Variants in SERGEF observed in about 807,000 individuals in gnomAD.
The protein encoded by SERGEF is secretion-regulating guanine nucleotide exchange factor.
SERGEF carries 51 observed loss-of-function variants against 50.0 expected under a neutral mutation model. That is an observed-to-expected ratio of 1.02 (90% CI 0.81 to 1.29). The LOEUF is 1.29. Ranked by LOEUF, SERGEF falls within the 50% of genes most tolerant of loss-of-function variation. The probability of loss-of-function intolerance (pLI) is 0.00; values close to 1 mark genes in which losing one functional copy is unlikely to be tolerated. For synonymous variants in SERGEF, 205 were observed against 212.4 expected (o/e 0.97, Z 0.30); for missense variants, 521 against 557.0 (o/e 0.94, Z 0.65).
At chr11:17,918,817 C>A in intron 9 of SERGEF, 1 of 394,930 alleles carries the variant, frequency 2.5e-6, no homozygotes, top group Non-Finnish European at 5.0e-6. Flanking sequence ...GCAAAAAGCA[C>A]TCCTGGCAAA....
chr11:18,001,918 T>C, intron 4 of SERGEF: 1 of 450,448 alleles, frequency 2.2e-6, no homozygotes, highest in Non-Finnish European at 4.4e-6. Context: ...TTTAGGACCC[T>C]CAAGGGCAGG....
chr11:17,876,037 T>C (rs2133896289), intron 10 of SERGEF, among the ~76,000 whole-genome samples: 1 of 152,326 alleles, frequency 6.6e-6, no homozygotes, highest in African/African-American at 2.4e-5. Flanking sequence ...TCCCTCTTGC[T>C]AGCCTCCTGC....
chr11:17,898,865 G>A (rs1158558312), intron 9 of SERGEF, among the ~76,000 whole-genome samples: 1 of 152,114 alleles, frequency 6.6e-6, no homozygotes, highest in Non-Finnish European at 1.5e-5. Context: ...CCCCAGTGTT[G>A]GAGGTGGGGC....
chr11:17,955,838 G>A (rs1266668180), intron 9 of SERGEF, among the ~76,000 whole-genome samples: 1 of 152,198 alleles, frequency 6.6e-6, no homozygotes, highest in Non-Finnish European at 1.5e-5. Context: ...AAGAAGCCTA[G>A]AACTTATAGG....
At chr11:17,863,425 C>G (rs1850963393) in intron 10 of SERGEF, 1 of 152,248 alleles carries the variant, frequency 6.6e-6, no homozygotes, top group Middle Eastern at 3.2e-3. Flanking sequence ...TGGCTGACCA[C>G]TTGTCCCTCA....
At chr11:18,000,946 G>A in intron 4 of SERGEF, 1 of 361,894 alleles carries the variant, frequency 2.8e-6, no homozygotes, top group Non-Finnish European at 5.3e-6. Flanking sequence ...AAATGAATGA[G>A]CATGACTGTG....
At position 17,788,251 on chromosome 11, in the gene SERGEF, G is replaced by A. The variant is rs1350159019; in HGVS notation, c.1211C>T (p.Ala404Val). The A allele has an allele frequency of 1.2e-6, 2 of 1,613,954 alleles. No individual in the cohort carries two copies. The highest frequency in any genetic ancestry group is 2.2e-5 in the South Asian group (2 of 91,064). Residue 404 changes from alanine to valine, a missense_variant, in exon 11 of 11, where the codon GCT becomes GTT. Coordinates refer to ENST00000265965, the MANE Select transcript of SERGEF (RefSeq NM_012139.4). ...GGGGTCCTGGACCAATGCAGGGTGAGCTGGCAGCTGGCAGAGGGCCAAGGA... is the reference window on the plus strand; with the variant it reads ...GGGGTCCTGGACCAATGCAGGGTGAACTGGCAGCTGGCAGAGGGCCAAGGA... ...GHSLALCQLP[A>V]HPALVQDPKV... is the part of the protein sequence containing the mutation.
At chr11:17,846,878 T>C in intron 10 of SERGEF, 2 of 404,538 alleles carry the variant, frequency 4.9e-6, no homozygotes, top group Non-Finnish European at 1.0e-5. Context: ...GGGATTCTAA[T>C]CTCCTGAGGA....
At chr11:17,893,460 A>G (rs926699985) in intron 9 of SERGEF, among the ~76,000 whole-genome samples, 3 of 152,320 alleles carry the variant, frequency 2.0e-5, no homozygotes, top group Admixed American at 2.0e-4. Flanking sequence ...CAATATTACT[A>G]CTTCCATCTC....
At position 18,012,981 on chromosome 11, in the gene SERGEF, G is replaced by T; in HGVS notation, c.30C>A (p.Ala10=). The T allele has an allele frequency of 6.8e-7, 1 of 1,465,534 alleles. No homozygotes were observed. Among genetic ancestry groups the T allele is most frequent in the Non-Finnish European group, 8.9e-7 (1 of 1,118,266 alleles). 90.8% of individuals were successfully genotyped at this position (1,465,534 alleles called of 1,614,324 possible). A position where few individuals can be genotyped will look rare whatever the true frequency, so the allele number is the denominator to read the frequency against. The change falls in exon 1 of 11, where the codon GCC becomes GCA. Residue 10 remains alanine (A), a synonymous_variant. Coordinates refer to ENST00000265965, the MANE Select transcript of SERGEF (RefSeq NM_012139.4). The part of the protein sequence containing the change: MEREPSASE[A]APAAAALFAW... Reference sequence around the variant, plus strand: ...CGAAGAGCGCGGCCGCCGCGGGGGCGGCCTCCGAGGCGCTGGGCTCGCGCT... The same window carrying T: ...CGAAGAGCGCGGCCGCCGCGGGGGCTGCCTCCGAGGCGCTGGGCTCGCGCT...
chr11:17,861,881 T>C (rs867113202), intron 10 of SERGEF, among the ~76,000 whole-genome samples: 1 of 152,214 alleles, frequency 6.6e-6, no homozygotes, highest in Admixed American at 6.5e-5. Flanking sequence ...CTTACCAAAT[T>C]AATATCTTAC....
At chr11:17,807,337 A>T (rs5790001) in intron 10 of SERGEF, among the ~76,000 whole-genome samples, 10 of 22,262 alleles carry the variant, frequency 4.5e-4, no homozygotes, top group East Asian at 5.8e-3. Context: ...CTCCCCCCCC[A>T]CAAAAAAAAT....
intron 8 of SERGEF, among the ~76,000 whole-genome samples, chr11:17,976,149 T>G (rs1400596516): frequency 6.6e-6 from 1 of 152,292 alleles, no homozygotes; most frequent in East Asian, 1.9e-4. Context: ...AGGGTTCTTT[T>G]GGCCACATTA....
chr11:17,985,905 A>G (rs1380436767), intron 8 of SERGEF, among the ~76,000 whole-genome samples: 3 of 152,234 alleles, frequency 2.0e-5, no homozygotes, highest in Non-Finnish European at 4.4e-5. Flanking sequence ...CTTCTTTGTT[A>G]TAGGAGACTG....
intron 6 of SERGEF, among the ~76,000 whole-genome samples, chr11:17,993,849 G>A (rs1015681878): frequency 6.6e-6 from 1 of 152,120 alleles, no homozygotes; most frequent in African/African-American, 2.4e-5. Context: ...GCAATGAGGT[G>A]AGAACGGGAG....
intron 8 of SERGEF, among the ~76,000 whole-genome samples, chr11:17,963,364 TAAAAA>T (rs1174880141): frequency 1.2e-4 from 6 of 49,882 alleles, no homozygotes; most frequent in African/African-American, 2.3e-4. Flanking sequence ...TTACTATTAG[TAAAAA>T]AAAAAAAAAA....
chr11:17,920,195 C>T (rs1332690860), intron 9 of SERGEF, among the ~76,000 whole-genome samples: 30 of 149,778 alleles, frequency 2.0e-4, no homozygotes, highest in Admixed American at 1.8e-3. Context: ...TGCAGTGAAC[C>T]GAGATTGCGC....
At chr11:17,808,995 G>T (rs1486630440) in intron 10 of SERGEF, among the ~76,000 whole-genome samples, 1 of 152,198 alleles carries the variant, frequency 6.6e-6, no homozygotes, top group Non-Finnish European at 1.5e-5. Context: ...GAAAATAGGG[G>T]GCTAAACCCG....
rs137872629 is a variant in SERGEF, at chr11:17,814,091, T to C, written c.1049-25678A>G. Among the ~76,000 whole-genome samples the C allele has an allele frequency of 2.7e-3, 405 of 152,362 alleles. 1 individual carries two copies. Among genetic ancestry groups the C allele is most frequent in the African/African-American group, 9.5e-3 (395 of 41,584 alleles). On this transcript the variant is annotated intron_variant, in intron 10 of 10. Transcript: ENST00000265965. ...GAGGAAGGGAAGTTGGAAGGAAATG[T>C]CTTTGTTGAGAACTCTAACCCTTAC...
Sources: allele counts gnomAD v4.1 joint callset (sites outside exome capture counted in the v4.1 genomes callset), GRCh38; gene constraint gnomAD v4.1.1; transcripts MANE v1.5; gene names NCBI Gene and HGNC (gene_info 2026-07-23, HGNC 2026-07-21).